The following RGS7 variants were observed in gnomAD, a reference collection of about 807,000 sequenced individuals.
The protein encoded by RGS7 is regulator of G protein signaling 7, also known as regulator of G-protein signaling 7.
RGS7 carries 27 observed loss-of-function variants against 81.1 expected under a neutral mutation model. The observed-to-expected ratio is 0.33, with a 90% CI of 0.25 to 0.46. The LOEUF is 0.46. Ranked by LOEUF, RGS7 falls within the 20% of genes least tolerant of loss-of-function variation. RGS7 has a pLI of 1.00. For missense variants in RGS7, 396 were observed against 607.4 expected (o/e 0.65, Z 3.66); for synonymous variants, 208 against 207.7 (o/e 1.00, Z -0.01).
At chr1:241,177,529 A>G (rs1295202870) in intron 2 of RGS7, among the ~76,000 whole-genome samples, 1 of 152,192 alleles carries the variant, frequency 6.6e-6, no homozygotes, top group Non-Finnish European at 1.5e-5. Context: ...AGGGTTATAA[A>G]CAGTGATGCG....
At chr1:241,255,822 G>T (rs72760530) in intron 2 of RGS7, among the ~76,000 whole-genome samples, 20,873 of 152,156 alleles carry the variant, frequency 0.14, 1,629 homozygotes, top group Admixed American at 0.2. Context: ...TCCCAAATGG[G>T]TGTTCACTAA....
Position 240,793,611 on chromosome 1 carries a change from A to ATATATATATATATTTTTTTT in RGS7, c.*6+7029_*6+7030insAAAAAAAATATATATATATA. 7.6e-5 allele frequency among the ~76,000 whole-genome samples: 6 copies of ATATATATATATATTTTTTTT among 78,808 alleles called. No individual in the cohort carries two copies. The South Asian group carries it at 1.7e-3, about 22-fold the overall frequency. The allele number at this position is 78,808 out of a possible 152,430, so 51.7% of individuals were successfully genotyped here. On this transcript the variant is annotated intron_variant, in intron 18 of 18. Transcript: ENST00000440928. ...AATATATATATATATATATATATATATTTTTTTTTTTTTTTTGAGACAGAG... is the reference window on the plus strand; with the variant it reads ...AATATATATATATATATATATATATATATATATATATATTTTTTTTTTTTTTTTTTTTTTTTGAGACAGAG...
intron 12 of RGS7, 87 bp from the exon 13 acceptor site, chr1:240,813,815 G>A: frequency 2.4e-6 from 2 of 830,878 alleles, no homozygotes; most frequent in Non-Finnish European, 4.1e-6. Context: ...ATAAAAATGT[G>A]GGACCAAGGA....
intron 5 of RGS7, among the ~76,000 whole-genome samples, chr1:240,931,244 G>T (rs1675388845): frequency 6.6e-6 from 1 of 152,084 alleles, no homozygotes; most frequent in Admixed American, 6.5e-5. Context: ...ACAATGATTT[G>T]CCTGGCTCCA....
chr1:241,315,433 T>A (rs2080817389), intron 2 of RGS7, among the ~76,000 whole-genome samples: 1 of 152,192 alleles, frequency 6.6e-6, no homozygotes, highest in Non-Finnish European at 1.5e-5. Flanking sequence ...AAAAATTTGA[T>A]GATTAAAAAA....
chr1:241,084,456 T>G (rs952701260), intron 3 of RGS7, among the ~76,000 whole-genome samples: 5 of 152,198 alleles, frequency 3.3e-5, no homozygotes, highest in African/African-American at 1.2e-4. Context: ...GAAGTCAACA[T>G]GTCACTAATT....
Position 241,352,674 on chromosome 1 carries a change from A to G in RGS7, c.78+3025T>C, listed in dbSNP as rs149444661. ...CCTTCAATAGGGTGATATCCACTCT[A>G]CCTTAACAATCAGAGTTTTATCCGC... On this transcript the variant is annotated intron_variant, in intron 2 of 18. Coordinates refer to ENST00000440928, the MANE Select transcript of RGS7 (RefSeq NM_001364886.1). Among the ~76,000 whole-genome samples the G allele has an allele frequency of 3.9e-5, 6 of 152,248 alleles. No homozygotes were observed. In the East Asian group the frequency reaches 1.2e-3, roughly 29 times the overall value.
chr1:240,984,701 C>T (rs1685408097), intron 3 of RGS7, among the ~76,000 whole-genome samples: 1 of 152,170 alleles, frequency 6.6e-6, no homozygotes, highest in African/African-American at 2.4e-5. Flanking sequence ...GATTCCATTT[C>T]AGCCTCTCCT....
At chr1:241,000,718 C>A (rs1221016903) in intron 3 of RGS7, among the ~76,000 whole-genome samples, 1 of 151,904 alleles carries the variant, frequency 6.6e-6, no homozygotes, top group Non-Finnish European at 1.5e-5. Context: ...GCAATCTCAG[C>A]TCACTGCAAA....
intron 2 of RGS7, among the ~76,000 whole-genome samples, chr1:241,111,413 C>A (rs1042524623): frequency 3.9e-5 from 6 of 152,134 alleles, no homozygotes; most frequent in Non-Finnish European, 8.8e-5. Context: ...GAGCAACAGA[C>A]CCAGTCATTC....
intron 3 of RGS7, among the ~76,000 whole-genome samples, chr1:241,042,547 T>C (rs114483009): frequency 6.6e-6 from 1 of 152,292 alleles, no homozygotes; most frequent in African/African-American, 2.4e-5. Context: ...AGACATAAAA[T>C]AATACATACA....
In RGS7 at chr1:241,085,654, G is replaced by A. The variant is rs145220619; in HGVS notation, c.175+13012C>T. Among the ~76,000 whole-genome samples, 928 of 152,096 alleles carry A rather than the reference G, an allele frequency of 6.1e-3. 5 individuals are homozygous for A. The highest frequency in any genetic ancestry group is 0.011 in the Non-Finnish European group (736 of 67,976). ...ATGTTGGCCAGGCTAGGCTGGTCTC[G>A]AACTCCTGACCTCAGGTGATCTGCC... On this transcript the variant is annotated intron_variant, in intron 3 of 18. Transcript: ENST00000440928.
intron 2 of RGS7, among the ~76,000 whole-genome samples, chr1:241,289,609 C>T (rs2078990758): frequency 6.6e-6 from 1 of 152,072 alleles, no homozygotes; most frequent in Non-Finnish European, 1.5e-5. Context: ...AAATGCTTAA[C>T]GAAAAGGTAC....
chr1:241,198,570 T>C lies in RGS7; in HGVS notation c.79-99808A>G, dbSNP rs544858043. ...AGCTGTATGCCAATGCATTTGAAAATTGACATAAAATGAACAAATTTCTGA... is the reference window on the plus strand; with the variant it reads ...AGCTGTATGCCAATGCATTTGAAAACTGACATAAAATGAACAAATTTCTGA... On this transcript the variant is annotated intron_variant, in intron 2 of 18. Transcript: ENST00000440928. 8.3e-4 allele frequency among the ~76,000 whole-genome samples: 127 copies of C among 152,150 alleles called. 1 individual carries two copies. The highest frequency in any genetic ancestry group is 6.8e-3 in the Middle Eastern group (2 of 294).
At chr1:240,981,098 G>GT (rs886552414) in intron 4 of RGS7, among the ~76,000 whole-genome samples, 3 of 151,500 alleles carry the variant, frequency 2.0e-5, no homozygotes, top group African/African-American at 4.9e-5. Flanking sequence ...ACACCTTCAG[G>GT]TTTTTTTTGT....
rs1245226181 is a variant in RGS7 at position 240,816,223 on chromosome 1, A to T, written c.783+94T>A. 1.6e-5 allele frequency: 13 copies of T among 808,374 alleles called. No individual in the cohort carries two copies. In the Admixed American group the frequency reaches 2.2e-4, roughly 14 times the overall value. 50.1% of individuals were successfully genotyped at this position (808,374 alleles called of 1,614,324 possible). ...CATGAAACAGTCAGTCATACAAATA[A>T]CCTATAAAAATACCCACTATTAACA... On this transcript the variant is annotated intron_variant, in intron 11 of 18. Coordinates refer to ENST00000440928, the MANE Select transcript of RGS7 (RefSeq NM_001364886.1).
intron 2 of RGS7, among the ~76,000 whole-genome samples, chr1:241,177,682 AG>A (rs2071262092): frequency 6.6e-6 from 1 of 152,188 alleles, no homozygotes; most frequent in Admixed American, 6.5e-5. Flanking sequence ...TTTTGACTAA[AG>A]GTGGCAATGG....
At chr1:240,806,375 A>G (rs770323192) in intron 14 of RGS7, 49 bp from the exon 15 acceptor site, 2 of 1,570,352 alleles carry the variant, frequency 1.3e-6, no homozygotes, top group Non-Finnish European at 1.8e-6. Context: ...CCATCATCTG[A>G]AAATTCTTGT....
At chr1:240,883,166 A>C (rs1288721932) in intron 6 of RGS7, among the ~76,000 whole-genome samples, 2 of 107,154 alleles carry the variant, frequency 1.9e-5, no homozygotes, top group Non-Finnish European at 3.4e-5. Context: ...GTTGGTTCCA[A>C]GTCTTTGCTG....
Sources: gnomAD v4.1 joint callset for allele counts (sites outside exome capture counted in the v4.1 genomes callset) on GRCh38, gnomAD v4.1.1 for gene constraint, MANE v1.5 for transcripts, NCBI Gene and HGNC (gene_info 2026-07-23, HGNC 2026-07-21) for gene names.